Variants in SH3BP4 observed in about 807,000 individuals in gnomAD.
SH3BP4 encodes SH3 domain-binding protein 4.
In SH3BP4, 33 loss-of-function variants were observed where a neutral mutation model predicts 65.5. The ratio of observed to expected loss-of-function variants is 0.50; its 90% CI spans 0.38 to 0.67. The LOEUF (loss-of-function observed/expected upper bound fraction) is 0.67, where lower values mean the gene tolerates loss of function less well. Ranked by LOEUF, SH3BP4 falls within the 30% of genes least tolerant of loss-of-function variation. SH3BP4 has a pLI of 0.00. For missense variants in SH3BP4, 1,134 were observed against 1,261.4 expected, an observed-to-expected ratio of 0.90 and a Z score of 1.53; for synonymous variants, 552 against 545.5, an observed-to-expected ratio of 1.01 and a Z score of -0.17.
intron 2 of SH3BP4, among the ~76,000 whole-genome samples, chr2:235,023,381 T>C (rs1395192911): frequency 6.6e-6 from 1 of 152,088 alleles, no homozygotes; most frequent in African/African-American, 2.4e-5. Flanking sequence ...ACCCTGTCTG[T>C]ATTTAAAATA....
In SH3BP4 at chr2:234,977,343, C is replaced by G. The variant is rs1303774080; in HGVS notation, c.-206-17960C>G. 6.6e-6 allele frequency among the ~76,000 whole-genome samples: 1 copy of G among 152,178 alleles called. No homozygotes were observed. Among genetic ancestry groups the G allele is most frequent in the African/African-American group, 2.4e-5 (1 of 41,432 alleles). On this transcript the variant is annotated intron_variant, in intron 1 of 5. Coordinates refer to ENST00000392011, the MANE Select transcript of SH3BP4 (RefSeq NM_014521.3). The surrounding 1 kb of genome is among the most constrained non-coding windows in gnomAD (Gnocchi z 5.1). ...CTGGGCCCAGGCCTCCCAGTTGGGCCGAGGCCCATCTCTTTTCCCAACAGC... is the reference window on the plus strand; with the variant it reads ...CTGGGCCCAGGCCTCCCAGTTGGGCGGAGGCCCATCTCTTTTCCCAACAGC...
intron 3 of SH3BP4, among the ~76,000 whole-genome samples, chr2:235,036,740 A>AAAAAAAAAAAAAAATAATAAT (rs146049108): frequency 4.2e-5 from 6 of 141,732 alleles, no homozygotes; most frequent in East Asian, 2.1e-4. Flanking sequence ...TCTATATAAA[A>AAAAAAAAAAAAAAATAATAAT]AATAATAATA....
chr2:235,042,523 C>T lies in SH3BP4; in HGVS notation c.1754C>T (p.Ser585Phe). Residue 585 changes from serine (S) to phenylalanine (F), a missense_variant, in exon 4 of 6, where the codon TCT becomes TTT. Ser to Phe is a radical substitution (Grantham distance 155). Transcript: ENST00000392011. This position sits in a 1 kb window ranked among gnomAD's most constrained non-coding sequence, Gnocchi z 7.3. ...PITSQNPNEL[S>F]DFTLRVQVKD... is the part of the protein sequence containing the mutation. ...ACCTCCCAGAACCCCAACGAGCTCT[C>T]TGACTTCACGCTGCGGGTTCAGGTG... The T allele has an allele frequency of 1.9e-6, 3 of 1,614,216 alleles. No individual in the cohort carries two copies. Among genetic ancestry groups the T allele is most frequent in the Non-Finnish European group, 2.5e-6 (3 of 1,180,042 alleles).
rs1281983848 is a variant in SH3BP4, at chr2:235,030,116, C to T, written c.-132-4755C>T. ...TCATCTCAGGCCAGGGGAGAGCAGA[C>T]TGATTTTTTTAAAAGCGGTGAGCAC... On this transcript the variant is annotated intron_variant, in intron 2 of 5. Coordinates refer to ENST00000392011, the MANE Select transcript of SH3BP4 (RefSeq NM_014521.3). This position sits in a 1 kb window ranked among gnomAD's most constrained non-coding sequence, Gnocchi z 4.1. Among the ~76,000 whole-genome samples the T allele has an allele frequency of 6.6e-6, 1 of 152,112 alleles. No individual in the cohort carries two copies. Among genetic ancestry groups the T allele is most frequent in the Non-Finnish European group, 1.5e-5 (1 of 68,036 alleles).
chr2:235,039,256 A>C (rs1266534411), intron 3 of SH3BP4, among the ~76,000 whole-genome samples: 1 of 152,176 alleles, frequency 6.6e-6, no homozygotes, highest in East Asian at 1.9e-4. Context: ...TCTGTAACCC[A>C]GTTAATGTAA....
intron 1 of SH3BP4, among the ~76,000 whole-genome samples, chr2:234,970,536 C>G (rs761407000): frequency 1.3e-5 from 2 of 152,208 alleles, no homozygotes; most frequent in African/African-American, 4.8e-5. Flanking sequence ...TACAAAACTT[C>G]GGGTGTGCAT....
At chr2:235,022,694 C>T (rs536771408) in intron 2 of SH3BP4, among the ~76,000 whole-genome samples, 6 of 152,226 alleles carry the variant, frequency 3.9e-5, no homozygotes, top group East Asian at 1.9e-4. Flanking sequence ...GGACACCCGC[C>T]GCTGTTGAGA....
At chr2:235,051,031 G>C (rs1195176459) in intron 4 of SH3BP4, among the ~76,000 whole-genome samples, 1 of 152,194 alleles carries the variant, frequency 6.6e-6, no homozygotes, top group African/African-American at 2.4e-5. Flanking sequence ...CTGTGCCCTG[G>C]AAGCCAAGCC....
chr2:234,997,659 C>CT lies in SH3BP4; in HGVS notation c.-133+2284dup, dbSNP rs1396454925. 6.6e-6 allele frequency among the ~76,000 whole-genome samples: 1 copy of CT among 152,192 alleles called. No homozygotes were observed. The highest frequency in any genetic ancestry group is 2.4e-5 in the African/African-American group (1 of 41,442). ...CCCTGTGGTTGTTCCCACTGTCCCACTGATGGCTGGGAAGGGTGAGCTCCA... is the reference window on the plus strand; with the variant it reads ...CCCTGTGGTTGTTCCCACTGTCCCACTTGATGGCTGGGAAGGGTGAGCTCCA... On this transcript the variant is annotated intron_variant, in intron 2 of 5. Coordinates refer to ENST00000392011, the MANE Select transcript of SH3BP4 (RefSeq NM_014521.3). This position sits in a 1 kb window ranked among gnomAD's most constrained non-coding sequence, Gnocchi z 4.2.
rs978999813 is a variant in SH3BP4, at chr2:235,052,776, C to T, written c.2667+26C>T. The T allele has an allele frequency of 2.0e-6, 3 of 1,536,048 alleles. No homozygotes were observed. The African/African-American group carries it at 4.1e-5, about 21-fold the overall frequency. On this transcript the variant is annotated intron_variant, in intron 5 of 5. Coordinates refer to ENST00000392011, the MANE Select transcript of SH3BP4 (RefSeq NM_014521.3). The surrounding 1 kb of genome is among the most constrained non-coding windows in gnomAD (Gnocchi z 5.0). The stretch of plus-strand genomic sequence containing the variant: ...GTGAGCAGCGGCTGAGCTTCGAGCT[C>T]ACCGAGCCCCTCTGTCCCTGGGTTC...
chr2:234,998,158 C>CAGCCTGCA (rs1452497157), intron 2 of SH3BP4, among the ~76,000 whole-genome samples: 1 of 152,040 alleles, frequency 6.6e-6, no homozygotes, highest in African/African-American at 2.4e-5. Flanking sequence ...TCTCGGAGCC[C>CAGCCTGCA]AGCCTGCAGA....
chr2:235,018,953 A>G (rs1418577922), intron 2 of SH3BP4, among the ~76,000 whole-genome samples: 1 of 152,172 alleles, frequency 6.6e-6, no homozygotes, highest in Non-Finnish European at 1.5e-5. Flanking sequence ...TGGAGCAGTG[A>G]CACTGGCCTG....
At chr2:235,003,094 G>A (rs541853996) in intron 2 of SH3BP4, among the ~76,000 whole-genome samples, 3 of 152,382 alleles carry the variant, frequency 2.0e-5, no homozygotes, top group African/African-American at 7.2e-5. Flanking sequence ...TGGATGCTAC[G>A]TTTCTTTAGA....
chr2:234,969,127 C>T (rs1228739237), intron 1 of SH3BP4, among the ~76,000 whole-genome samples: 1 of 152,242 alleles, frequency 6.6e-6, no homozygotes, highest in Admixed American at 6.5e-5. Context: ...CGCCTCTTCC[C>T]CGTAGCCACA....
chr2:234,988,855 G>A (rs1487845124), intron 1 of SH3BP4, among the ~76,000 whole-genome samples: 10 of 152,226 alleles, frequency 6.6e-5, no homozygotes, highest in Non-Finnish European at 7.4e-5. Flanking sequence ...ATCCCATTCC[G>A]TATCACATTC....
At chr2:235,000,630 G>T (rs1044834282) in intron 2 of SH3BP4, among the ~76,000 whole-genome samples, 1 of 152,202 alleles carries the variant, frequency 6.6e-6, no homozygotes, top group Non-Finnish European at 1.5e-5. Context: ...TCCCCATTGC[G>T]TAGAGGTGGG....
rs527675322 is a variant in SH3BP4 at position 235,030,947 on chromosome 2, C to T, written c.-132-3924C>T. The stretch of plus-strand genomic sequence containing the variant: ...GCGGACAGGGGGCACCTCTGTTACT[C>T]ACCCCTGAATGTCTGGATGGGTGTT... On this transcript the variant is annotated intron_variant, in intron 2 of 5. Coordinates refer to ENST00000392011, the MANE Select transcript of SH3BP4 (RefSeq NM_014521.3). This position sits in a 1 kb window ranked among gnomAD's most constrained non-coding sequence, Gnocchi z 4.1. Among the ~76,000 whole-genome samples, 10 of 152,304 alleles carry T rather than the reference C, an allele frequency of 6.6e-5. No homozygotes were observed. The East Asian group carries it at 1.7e-3, about 26-fold the overall frequency.
chr2:235,032,659 C>T (rs937822335), intron 2 of SH3BP4, among the ~76,000 whole-genome samples: 9 of 152,128 alleles, frequency 5.9e-5, no homozygotes, highest in African/African-American at 2.2e-4. Flanking sequence ...CAGCTCTACA[C>T]GCAGGCTGTG....
At chr2:234,975,016 G>C (rs1323903703) in intron 1 of SH3BP4, among the ~76,000 whole-genome samples, 2 of 152,344 alleles carry the variant, frequency 1.3e-5, no homozygotes, top group African/African-American at 4.8e-5. Flanking sequence ...TCGGGCGGCA[G>C]GCAGCTGCCT....
Sources: gnomAD v4.1 joint callset for allele counts (sites outside exome capture counted in the v4.1 genomes callset) on GRCh38, gnomAD v4.1.1 for gene constraint, Gnocchi (gnomAD v3.1) non-coding constraint, MANE v1.5 for transcripts, NCBI Gene and HGNC (gene_info 2026-07-23, HGNC 2026-07-21) for gene names.